The following RANBP2 variants were observed in gnomAD, a reference collection of about 807,000 sequenced individuals.
The protein encoded by RANBP2 is RAN binding protein 2, also known as E3 SUMO-protein ligase RanBP2.
In RANBP2, 57 loss-of-function variants were observed where a neutral mutation model predicts 303.6. The ratio of observed to expected loss-of-function variants is 0.19; its 90% CI spans 0.15 to 0.23. RANBP2 has a LOEUF of 0.23. RANBP2 is among the 10% of genes least tolerant of loss of function. The probability of loss-of-function intolerance (pLI) is 1.00; values close to 1 mark genes in which losing one functional copy is unlikely to be tolerated. For missense variants in RANBP2, 3,138 were observed against 3,780.8 expected (o/e 0.83, Z 4.46); for synonymous variants, 1,167 against 1,301.5 (o/e 0.90, Z 2.23).
chr2:109,276,141 C>T, the RANBP2 span, among the ~76,000 whole-genome samples: 10 of 152,250 alleles, frequency 6.6e-5, no homozygotes, highest in East Asian at 1.9e-4. Context: ...GCTGAACCCA[C>T]GAGGGTTCGA....
chr2:109,229,139 A>G, the RANBP2 span, among the ~76,000 whole-genome samples: 1 of 152,236 alleles, frequency 6.6e-6, no homozygotes, highest in Admixed American at 6.5e-5. Context: ...ATCACTCAGA[A>G]AATTACCAGG....
the RANBP2 span, among the ~76,000 whole-genome samples, chr2:109,486,212 T>C: frequency 5.3e-5 from 8 of 152,370 alleles, no homozygotes; most frequent in East Asian, 1.2e-3. Context: ...TGGCTTCTGA[T>C]TGATCACTTC....
chr2:109,493,682 CCATA>C, the RANBP2 span, among the ~76,000 whole-genome samples: 1 of 151,412 alleles, frequency 6.6e-6, no homozygotes, highest in Non-Finnish European at 1.5e-5. Context: ...ACATCACACA[CCATA>C]CACACACCAC....
the RANBP2 span, among the ~76,000 whole-genome samples, chr2:109,105,399 G>A: frequency 6.6e-6 from 1 of 152,150 alleles, no homozygotes; most frequent in African/African-American, 2.4e-5. Context: ...CTCAAGGGAA[G>A]AATCAGGGGA....
the RANBP2 span, chr2:108,929,288 C>T: frequency 1.6e-5 from 26 of 1,614,084 alleles, no homozygotes; most frequent in African/African-American, 4.0e-5. Flanking sequence ...GTCTTTGTGA[C>T]GCCTGCATAT....
the RANBP2 span, among the ~76,000 whole-genome samples, chr2:109,523,061 G>C: frequency 8.5e-5 from 13 of 152,108 alleles, no homozygotes; most frequent in African/African-American, 3.1e-4. Context: ...CGGAGTCTTT[G>C]CTTGCTCCAC....
chr2:108,827,907 C>T, the RANBP2 span, among the ~76,000 whole-genome samples: 4 of 151,712 alleles, frequency 2.6e-5, no homozygotes, highest in African/African-American at 9.7e-5. Context: ...AGATTCCATT[C>T]CCATTCCCAT....
the RANBP2 span, among the ~76,000 whole-genome samples, chr2:109,584,780 T>C: frequency 1.3e-5 from 2 of 152,340 alleles, no homozygotes; most frequent in Non-Finnish European, 1.5e-5. Context: ...ATTGTTCTTA[T>C]ATGTCTTGTA....
chr2:108,930,075 C>T, the RANBP2 span: 1 of 1,588,224 alleles, frequency 6.3e-7, no homozygotes, highest in Non-Finnish European at 8.6e-7. Context: ...AAGCAGGAGG[C>T]CTCCCCTGAG....
At chr2:108,840,235 A>T in the RANBP2 span, among the ~76,000 whole-genome samples, 7 of 152,162 alleles carry the variant, frequency 4.6e-5, no homozygotes, top group Non-Finnish European at 2.9e-5. Context: ...TATATTAACA[A>T]ATTCTATTTG....
At chr2:109,458,204 G>A in the RANBP2 span, among the ~76,000 whole-genome samples, 1 of 152,098 alleles carries the variant, frequency 6.6e-6, no homozygotes, top group Non-Finnish European at 1.5e-5. Context: ...CTTCCAGGCC[G>A]CATCTTACTA....
At chr2:108,821,814 G>A in the RANBP2 span, among the ~76,000 whole-genome samples, 3 of 151,674 alleles carry the variant, frequency 2.0e-5, no homozygotes, top group Admixed American at 6.6e-5. Context: ...GCGTAGTGGT[G>A]GGTGCCTATA....
the RANBP2 span, among the ~76,000 whole-genome samples, chr2:109,351,708 A>T: frequency 6.6e-6 from 1 of 152,192 alleles, no homozygotes; most frequent in Non-Finnish European, 1.5e-5. Flanking sequence ...ACATGACTGC[A>T]GCGGGGCCCC....
At chr2:109,083,738 G>T in the RANBP2 span, among the ~76,000 whole-genome samples, 3 of 152,194 alleles carry the variant, frequency 2.0e-5, no homozygotes, top group East Asian at 5.8e-4. Context: ...CCTGTTTTCT[G>T]CCGTGGCTGC....
the RANBP2 span, among the ~76,000 whole-genome samples, chr2:108,997,634 G>A: frequency 6.6e-6 from 1 of 151,920 alleles, no homozygotes; most frequent in African/African-American, 2.4e-5. Context: ...GATCACGCCT[G>A]TAATCCCAGT....
the RANBP2 span, among the ~76,000 whole-genome samples, chr2:109,491,944 G>A: frequency 2.6e-5 from 4 of 152,308 alleles, no homozygotes; most frequent in Admixed American, 6.5e-5. Context: ...GGAATGAGAC[G>A]GGGTCTATCT....
At chr2:108,912,375 C>T in the RANBP2 span, among the ~76,000 whole-genome samples, 1 of 152,196 alleles carries the variant, frequency 6.6e-6, no homozygotes, top group South Asian at 2.1e-4. Flanking sequence ...AAGCCCAGGA[C>T]GCCTGGTCTC....
At chr2:109,652,292 G>T in the RANBP2 span, among the ~76,000 whole-genome samples, 91 of 150,850 alleles carry the variant, frequency 6.0e-4, no homozygotes, top group South Asian at 9.8e-3. Context: ...GCGCCATCTC[G>T]GCTCACTGCA....
the RANBP2 span, among the ~76,000 whole-genome samples, chr2:109,625,084 CAACAA>C: frequency 1.1e-4 from 7 of 61,914 alleles, no homozygotes; most frequent in African/African-American, 5.4e-4. Flanking sequence ...ACAACAACAA[CAACAA>C]AAAAAAAAAA....
Sources: allele counts gnomAD v4.1 joint callset (sites outside exome capture counted in the v4.1 genomes callset), GRCh38; gene constraint gnomAD v4.1.1; transcripts MANE v1.5; gene names NCBI Gene and HGNC (gene_info 2026-07-23, HGNC 2026-07-21).